ARL8B: variants seen among roughly 807,000 people sequenced by gnomAD.
ARL8B encodes the protein ARF like GTPase 8B, also known as ADP-ribosylation factor-like protein 8B.
ARL8B carries 9 observed loss-of-function variants against 30.6 expected under a neutral mutation model. That is an observed-to-expected ratio of 0.29 (90% CI 0.18 to 0.51). The LOEUF (loss-of-function observed/expected upper bound fraction) is 0.51. Ranked by LOEUF, ARL8B falls within the 20% of genes least tolerant of loss-of-function variation. ARL8B has a pLI of 0.97. For synonymous variants in ARL8B, 74 were observed against 76.0 expected (o/e 0.97, Z 0.14); for missense variants, 130 against 227.2 (o/e 0.57, Z 2.75).
intron 1 of ARL8B, among the ~76,000 whole-genome samples, chr3:5,162,987 CTTT>C (rs58230539): frequency 7.9e-6 from 1 of 125,826 alleles, no homozygotes. Context: ...TTAGCTCCCA[CTTT>C]TTTTTTTTTT....
At chr3:5,145,749 T>C (rs903240222) in intron 1 of ARL8B, among the ~76,000 whole-genome samples, 3 of 152,202 alleles carry the variant, frequency 2.0e-5, no homozygotes, top group Non-Finnish European at 2.9e-5. Flanking sequence ...TTTGAGCATA[T>C]GACTTAATCT....
chr3:5,152,518 C>A (rs2106563102), intron 1 of ARL8B, among the ~76,000 whole-genome samples: 1 of 152,310 alleles, frequency 6.6e-6, no homozygotes, highest in South Asian at 2.1e-4. Context: ...TTTCTTCTTG[C>A]TCTGTTGCCA....
intron 1 of ARL8B, among the ~76,000 whole-genome samples, chr3:5,135,150 A>G (rs2054313718): frequency 6.6e-6 from 1 of 152,118 alleles, no homozygotes; most frequent in Non-Finnish European, 1.5e-5. Context: ...CGCCTGGCCT[A>G]CTATGTTATT....
chr3:5,170,298 T>C (rs535229436), intron 1 of ARL8B, among the ~76,000 whole-genome samples: 1 of 152,362 alleles, frequency 6.6e-6, no homozygotes, highest in Admixed American at 6.5e-5. Flanking sequence ...ATATCTTTTT[T>C]AGATGGAAGA....
intron 1 of ARL8B, among the ~76,000 whole-genome samples, chr3:5,137,886 C>A (rs1014631167): frequency 1.3e-5 from 2 of 152,144 alleles, no homozygotes; most frequent in African/African-American, 4.8e-5. Flanking sequence ...CTGTGCCTAG[C>A]CTGGTTTCTG....
chr3:5,140,943 C>G (rs2054368145), intron 1 of ARL8B, among the ~76,000 whole-genome samples: 1 of 152,192 alleles, frequency 6.6e-6, no homozygotes, highest in Non-Finnish European at 1.5e-5. Context: ...GGCAGTCACA[C>G]CGGGGACAGT....
At chr3:5,122,754 G>T (rs1262997542) in intron 1 of ARL8B, among the ~76,000 whole-genome samples, 166 bp downstream of exon 1, 1 of 152,230 alleles carries the variant, frequency 6.6e-6, no homozygotes, top group East Asian at 1.9e-4. Flanking sequence ...GGAATTTCCC[G>T]CGTGTTGGCG....
At chr3:5,149,556 C>T (rs1040751910) in intron 1 of ARL8B, among the ~76,000 whole-genome samples, 5 of 152,246 alleles carry the variant, frequency 3.3e-5, no homozygotes, top group African/African-American at 1.2e-4. Flanking sequence ...TGGTTGAGTA[C>T]TGTGGAGTTA....
chr3:5,123,545 T>G (rs1293304299), intron 1 of ARL8B, among the ~76,000 whole-genome samples: 1 of 152,198 alleles, frequency 6.6e-6, no homozygotes, highest in Non-Finnish European at 1.5e-5. Flanking sequence ...TGTGACTCAG[T>G]TTTAGCTGGT....
At chr3:5,148,738 A>C (rs533495703) in intron 1 of ARL8B, among the ~76,000 whole-genome samples, 1 of 152,290 alleles carries the variant, frequency 6.6e-6, no homozygotes, top group Admixed American at 6.5e-5. Flanking sequence ...ACTTAGGCCA[A>C]AAAAGATCGA....
At chr3:5,142,099 AG>A (rs755422509) in intron 1 of ARL8B, among the ~76,000 whole-genome samples, 8 of 152,236 alleles carry the variant, frequency 5.3e-5, no homozygotes, top group Middle Eastern at 6.8e-3. Flanking sequence ...GCCAGGGTGA[AG>A]GGAATGGCCA....
chr3:5,125,668 G>T (rs567254926), intron 1 of ARL8B, among the ~76,000 whole-genome samples: 1 of 152,202 alleles, frequency 6.6e-6, no homozygotes, highest in Non-Finnish European at 1.5e-5. Context: ...GAGTAGCTGG[G>T]ACTACAGGCG....
chr3:5,158,829 C>T (rs2054554592), intron 1 of ARL8B, among the ~76,000 whole-genome samples: 1 of 152,124 alleles, frequency 6.6e-6, no homozygotes, highest in African/African-American at 2.4e-5. Flanking sequence ...TTGATTCTGT[C>T]TTACTTTAAT....
At chr3:5,161,646 A>G (rs894417272) in intron 1 of ARL8B, among the ~76,000 whole-genome samples, 4 of 152,216 alleles carry the variant, frequency 2.6e-5, no homozygotes, top group African/African-American at 9.6e-5. Context: ...TGATTGAGTA[A>G]GAGGGTTTAG....
At chr3:5,142,672 G>A (rs1256073313) in intron 1 of ARL8B, among the ~76,000 whole-genome samples, 2 of 152,182 alleles carry the variant, frequency 1.3e-5, no homozygotes, top group African/African-American at 4.8e-5. Flanking sequence ...TACCTTTTAG[G>A]GTTATTATTT....
intron 5 of ARL8B, 110 bp downstream of exon 5, chr3:5,174,194 T>C (rs2054704223): frequency 8.5e-7 from 1 of 1,170,146 alleles, no homozygotes; most frequent in Non-Finnish European, 1.3e-6. Flanking sequence ...TAGATAAAAG[T>C]TGGCCTATCA....
intron 6 of ARL8B, among the ~76,000 whole-genome samples, 194 bp downstream of exon 6, chr3:5,174,608 C>T (rs2054708686): frequency 6.7e-6 from 1 of 148,968 alleles, no homozygotes; most frequent in Admixed American, 6.7e-5. Flanking sequence ...TCATTGATGG[C>T]TTCTTTGAAA....
At position 5,160,271 on chromosome 3, in the gene ARL8B, G is replaced by A. The variant is rs73103653; in HGVS notation, c.124-10232G>A. On this transcript the variant is annotated intron_variant, in intron 1 of 6. Coordinates refer to ENST00000256496, the MANE Select transcript of ARL8B (RefSeq NM_018184.3). Reference sequence around the variant, plus strand: ...CTCATCAATGTTTCTGAATATTTGAGTGAAACTGCTGGTTGGTTGACAAGG... The same window carrying A: ...CTCATCAATGTTTCTGAATATTTGAATGAAACTGCTGGTTGGTTGACAAGG... 2.4e-3 allele frequency among the ~76,000 whole-genome samples: 359 copies of A among 152,310 alleles called. 1 individual carries two copies. Among genetic ancestry groups the A allele is most frequent in the African/African-American group, 8.4e-3 (348 of 41,572 alleles).
intron 1 of ARL8B, among the ~76,000 whole-genome samples, chr3:5,130,192 A>G (rs1007205989): frequency 9.9e-6 from 1 of 100,608 alleles, no homozygotes; most frequent in Non-Finnish European, 2.1e-5. Context: ...AAAAAAATAT[A>G]TATTTTTTTT....
Sources: gnomAD v4.1 joint callset for allele counts (sites outside exome capture counted in the v4.1 genomes callset) on GRCh38, gnomAD v4.1.1 for gene constraint, MANE v1.5 for transcripts, NCBI Gene and HGNC (gene_info 2026-07-23, HGNC 2026-07-21) for gene names.